MAGI2: variants seen among roughly 807,000 people sequenced by gnomAD.
MAGI2 encodes membrane-associated guanylate kinase, WW and PDZ domain-containing protein 2.
A neutral mutation model predicts 133.3 loss-of-function variants in MAGI2; 35 were observed. The ratio of observed to expected loss-of-function variants is 0.26; its 90% CI spans 0.20 to 0.35. The LOEUF (loss-of-function observed/expected upper bound fraction) is 0.35. Ranked by LOEUF, MAGI2 falls within the 10% of genes least tolerant of loss-of-function variation. The pLI is 1.00. For synonymous variants in MAGI2, 729 were observed against 710.6 expected (o/e 1.03, Z -0.41); for missense variants, 1,636 against 1,863.4 (o/e 0.88, Z 2.25).
chr7:78,168,087 C>T lies in MAGI2; in HGVS notation c.2425G>A (p.Ala809Thr). 1 of 1,613,958 alleles carries T rather than the reference C, an allele frequency of 6.2e-7. No individual in the cohort carries two copies. The highest frequency in any genetic ancestry group is 8.5e-7 in the Non-Finnish European group (1 of 1,179,946). ...GQPILIGAVI[A>T]MGSADRDGRL... ...CCATCTCTGTCGGCTGAGCCCATGG[C>T]AATGACAGCTCCAATCAAAATCTAG... is the stretch of plus-strand genomic sequence containing the variant. The change falls in exon 15 of 22, where the codon GCC becomes ACC. Residue 809 changes from alanine (A) to threonine (T), a missense_variant. Physicochemically the swap from Ala to Thr is moderately conservative, Grantham distance 58. This residue lies in a region of MAGI2 where 920 missense variants were observed against 1,093.5 expected (regional missense o/e 0.84). Coordinates refer to ENST00000354212, the MANE Select transcript of MAGI2 (RefSeq NM_012301.4).
chr7:78,834,294 C>A (rs1791431134), intron 2 of MAGI2, among the ~76,000 whole-genome samples: 5 of 152,214 alleles, frequency 3.3e-5, no homozygotes, highest in Admixed American at 3.3e-4. Flanking sequence ...AACCACTATC[C>A]AATTTCAGAA....
rs562059351 is a variant in MAGI2 at position 79,446,931 on chromosome 7, G to A, written c.301+6089C>T. Among the ~76,000 whole-genome samples the A allele has an allele frequency of 9.2e-5, 14 of 152,064 alleles. No homozygotes were observed. In the East Asian group the frequency reaches 1.7e-3, roughly 19 times the overall value. On this transcript the variant is annotated intron_variant, in intron 1 of 21. Transcript: ENST00000354212. Reference sequence around the variant, plus strand: ...CACGCCACTGCACTCCAGCCTGGACGACAGAGCGAGACTCCGTCTCAAAAA... The same window carrying A: ...CACGCCACTGCACTCCAGCCTGGACAACAGAGCGAGACTCCGTCTCAAAAA...
intron 1 of MAGI2, among the ~76,000 whole-genome samples, chr7:79,282,137 G>A (rs1174273346): frequency 2.0e-5 from 3 of 152,120 alleles, no homozygotes; most frequent in African/African-American, 7.2e-5. Flanking sequence ...AAAATTTTAT[G>A]TGAAAATTTC....
At chr7:78,615,734 G>T (rs1271791058) in intron 3 of MAGI2, 1 of 152,136 alleles carries the variant, frequency 6.6e-6, no homozygotes, top group Non-Finnish European at 1.5e-5. Flanking sequence ...TCATTGTCAG[G>T]ATTACGTCAT....
intron 1 of MAGI2, among the ~76,000 whole-genome samples, chr7:79,210,944 C>T (rs1413629720): frequency 6.6e-6 from 1 of 152,016 alleles, no homozygotes; most frequent in Non-Finnish European, 1.5e-5. Context: ...AAGCCATTCA[C>T]TAACCTAAGT....
chr7:78,132,103 G>A (rs1821619298), intron 18 of MAGI2, among the ~76,000 whole-genome samples: 1 of 152,116 alleles, frequency 6.6e-6, no homozygotes. Flanking sequence ...TTGAACTCCT[G>A]GGCTCAAGCA....
chr7:78,969,993 G>T (rs999655772), intron 2 of MAGI2, among the ~76,000 whole-genome samples: 1 of 144,966 alleles, frequency 6.9e-6, no homozygotes, highest in African/African-American at 2.4e-5. Flanking sequence ...CCTGGAATTG[G>T]TAGCACCACA....
chr7:79,012,592 G>T (rs1190999370), intron 1 of MAGI2, among the ~76,000 whole-genome samples: 1 of 152,082 alleles, frequency 6.6e-6, no homozygotes, highest in East Asian at 1.9e-4. Flanking sequence ...GCCATGAAAC[G>T]TATGCTAAAT....
intron 1 of MAGI2, among the ~76,000 whole-genome samples, chr7:79,274,248 T>C (rs1835076601): frequency 6.6e-6 from 1 of 152,166 alleles, no homozygotes; most frequent in Non-Finnish European, 1.5e-5. Context: ...CAACCCTACC[T>C]GGAAGGCTTA....
chr7:78,633,078 C>T (rs144260169), intron 2 of MAGI2, among the ~76,000 whole-genome samples: 56 of 152,322 alleles, frequency 3.7e-4, no homozygotes, highest in African/African-American at 1.3e-3. Flanking sequence ...TGAACGACAG[C>T]ATGTATTCTA....
chr7:79,244,771 C>A (rs1169265268), intron 1 of MAGI2, among the ~76,000 whole-genome samples: 2 of 152,162 alleles, frequency 1.3e-5, no homozygotes, highest in African/African-American at 4.8e-5. Flanking sequence ...AAAACACCAG[C>A]TGGGGTGACC....
chr7:78,792,956 C>T (rs1455918072), intron 2 of MAGI2, among the ~76,000 whole-genome samples: 2 of 152,196 alleles, frequency 1.3e-5, no homozygotes, highest in East Asian at 1.9e-4. Flanking sequence ...GTCAGCACAC[C>T]GATATGACTG....
chr7:79,232,275 C>T (rs940028810), intron 1 of MAGI2, among the ~76,000 whole-genome samples: 3 of 149,266 alleles, frequency 2.0e-5, no homozygotes, highest in African/African-American at 7.4e-5. Context: ...GTGTCTCTGC[C>T]AGGCTTTGGT....
At chr7:78,283,662 T>C (rs1795851876) in intron 9 of MAGI2, among the ~76,000 whole-genome samples, 1 of 152,042 alleles carries the variant, frequency 6.6e-6, no homozygotes, top group Non-Finnish European at 1.5e-5. Flanking sequence ...AGAGAATGGC[T>C]AGGAAATTCT....
In MAGI2 at chr7:79,005,312, C is replaced by G. The variant is rs565198654; in HGVS notation, c.418+1778G>C. Among the ~76,000 whole-genome samples, 94 of 152,174 alleles carry G rather than the reference C, an allele frequency of 6.2e-4. No homozygotes were observed. The South Asian group carries it at 6.2e-3, about 10-fold the overall frequency. ...TCATCGTGATATTCAAATTGAGTTT[C>G]TAATCATCTCCTTTATAGGAGCTAT... On this transcript the variant is annotated intron_variant, in intron 2 of 21. Coordinates refer to ENST00000354212, the MANE Select transcript of MAGI2 (RefSeq NM_012301.4).
chr7:78,025,846 C>T (rs983486816), intron 21 of MAGI2, among the ~76,000 whole-genome samples: 2 of 152,122 alleles, frequency 1.3e-5, no homozygotes, highest in Non-Finnish European at 2.9e-5. Flanking sequence ...ATTCCCAGGG[C>T]GCAAAGTCAA....
chr7:79,186,222 A>T lies in MAGI2; in HGVS notation c.302-179016T>A, dbSNP rs372444119. ...TATATATATATATATATATATATAT[A>T]TATATATATATATATATATATTTAT... is the stretch of plus-strand genomic sequence containing the variant. On this transcript the variant is annotated intron_variant, in intron 1 of 21. Transcript: ENST00000354212. Among the ~76,000 whole-genome samples, 51 of 38,158 alleles carry T rather than the reference A, an allele frequency of 1.3e-3. 2 individuals are homozygous for T. Among genetic ancestry groups the T allele is most frequent in the Admixed American group, 1.7e-3 (5 of 3,024 alleles). The allele number at this position is 38,158 out of a possible 152,430, so 25.0% of individuals were successfully genotyped here. A position where few individuals can be genotyped will look rare whatever the true frequency, so the allele number is the denominator to read the frequency against.
At chr7:78,918,468 T>C (rs1798966627) in intron 2 of MAGI2, among the ~76,000 whole-genome samples, 1 of 152,144 alleles carries the variant, frequency 6.6e-6, no homozygotes, top group South Asian at 2.1e-4. Flanking sequence ...TTTGAAACAA[T>C]GAAGTTTATA....
intron 1 of MAGI2, among the ~76,000 whole-genome samples, chr7:79,427,467 C>T (rs1847468318): frequency 6.6e-6 from 1 of 151,952 alleles, no homozygotes; most frequent in South Asian, 2.1e-4. Flanking sequence ...CTAAAACAGA[C>T]AAATAAAAGA....
Sources: allele counts gnomAD v4.1 joint callset (sites outside exome capture counted in the v4.1 genomes callset), GRCh38; gene constraint gnomAD v4.1.1; regional missense constraint gnomAD v4.1.1; transcripts MANE v1.5; gene names NCBI Gene and HGNC (gene_info 2026-07-23, HGNC 2026-07-21).